The following ZFYVE26 variants were observed in gnomAD, a reference collection of about 807,000 sequenced individuals.
The protein encoded by ZFYVE26 is zinc finger FYVE domain-containing protein 26.
A neutral mutation model predicts 276.5 loss-of-function variants in ZFYVE26; 181 were observed. That is an observed-to-expected ratio of 0.65 (90% CI 0.58 to 0.74). The LOEUF (loss-of-function observed/expected upper bound fraction) is 0.74. Ranked by LOEUF, ZFYVE26 falls within the 30% of genes least tolerant of loss-of-function variation. The pLI is 0.00. For missense variants in ZFYVE26, 2,821 were observed against 3,097.9 expected, an observed-to-expected ratio of 0.91 and a Z score of 2.12; for synonymous variants, 1,129 against 1,203.1, an observed-to-expected ratio of 0.94 and a Z score of 1.27.
At position 67,772,138 on chromosome 14, in the gene ZFYVE26, A is replaced by G; in HGVS notation, c.5393T>C (p.Val1798Ala). ...FPPTQPSQEF[V>A]PPATPPARHQ... ...CCTGGCAGGGGGTGTCGCTGGGGGC[A>G]CAAATTCCTGTGAGGGCTGGGTTGG... Residue 1798 changes from valine to alanine, a missense_variant, in exon 28 of 42, where the codon GTG (valine) becomes GCG (alanine). By Grantham distance (64) the Val-to-Ala change is moderately conservative (BLOSUM62 0). Coordinates refer to ENST00000347230, the MANE Select transcript of ZFYVE26 (RefSeq NM_015346.4). 6.2e-7 allele frequency: 1 copy of G among 1,613,198 alleles called. No homozygotes were observed.
In ZFYVE26 at chr14:67,783,421, T is replaced by G. The variant is rs2039561887; in HGVS notation, c.3731A>C (p.Gln1244Pro). ...ACGAGTCAGGAGGGAGGAGGTCTGC[T>G]GGCTTTGCCGGGATGAGCAAAGAGC... ...PLALCSSRQS[Q>P]QTSSLLTRLG... The change falls in exon 21 of 42, where the codon CAG becomes CCG. Residue 1244 changes from glutamine to proline, a missense_variant. Transcript: ENST00000347230. 1 of 1,614,164 alleles carries G rather than the reference T, an allele frequency of 6.2e-7. No homozygotes were observed. Among genetic ancestry groups the G allele is most frequent in the East Asian group, 2.2e-5 (1 of 44,882 alleles).
At chr14:67,776,848 T>C (rs568432095) in intron 25 of ZFYVE26, among the ~76,000 whole-genome samples, 35 of 152,356 alleles carry the variant, frequency 2.3e-4, no homozygotes, top group African/African-American at 7.9e-4. Flanking sequence ...CCAGTGGTTA[T>C]ATTTATGGCT....
chr14:67,775,573 C>T (rs960568936), intron 26 of ZFYVE26, among the ~76,000 whole-genome samples: 10 of 152,264 alleles, frequency 6.6e-5, no homozygotes, highest in East Asian at 3.9e-4. Flanking sequence ...CTGAAGAGCC[C>T]GCTATATCAA....
At chr14:67,768,615 G>T in intron 29 of ZFYVE26, 67 bp from the exon 30 acceptor site, 1 of 1,504,462 alleles carries the variant, frequency 6.6e-7, no homozygotes, top group Non-Finnish European at 9.2e-7. Context: ...GAGCTTCGTA[G>T]ACAGCATCAA....
rs1479008982 is a variant in ZFYVE26 at position 67,789,411 on chromosome 14, C to T, written c.2943G>A (p.Gln981=). 6.2e-7 allele frequency: 1 copy of T among 1,614,212 alleles called. No homozygotes were observed. The highest frequency in any genetic ancestry group is 2.2e-5 in the East Asian group (1 of 44,882). Residue 981 remains glutamine, a synonymous_variant, in exon 16 of 42, where the codon CAG becomes CAA. Coordinates refer to ENST00000347230, the MANE Select transcript of ZFYVE26 (RefSeq NM_015346.4). ...GCTTGCAGGTTTTCCAGAGCTGGCA[C>T]TGAGAGCAAGCTAGGTCAAATGCAG... ...AMAAFDLACS[Q]CQLWKTCKQL...
At chr14:67,815,745 T>C (rs1319137317) in intron 2 of ZFYVE26, 25 bp downstream of exon 2, 3 of 1,611,350 alleles carry the variant, frequency 1.9e-6, no homozygotes, top group Non-Finnish European at 2.5e-6. Flanking sequence ...CCTGGGACCG[T>C]CTGGTAGGAA....
intron 12 of ZFYVE26, among the ~76,000 whole-genome samples, chr14:67,795,736 G>A (rs949096746): frequency 1.3e-5 from 2 of 152,030 alleles, no homozygotes; most frequent in African/African-American, 4.8e-5. Flanking sequence ...TCTAAGAAAA[G>A]CCTATAAGTG....
At chr14:67,782,646 G>T in intron 21 of ZFYVE26, 134 bp downstream of exon 21, 3 of 1,434,382 alleles carry the variant, frequency 2.1e-6, no homozygotes, top group South Asian at 1.2e-5. Flanking sequence ...TCTGAGACCT[G>T]GTCTCCTCTT....
chr14:67,794,242 A>T lies in ZFYVE26; in HGVS notation c.2333-3T>A. 1.2e-6 allele frequency: 2 copies of T among 1,614,044 alleles called. No homozygotes were observed. Among genetic ancestry groups the T allele is most frequent in the Non-Finnish European group, 1.7e-6 (2 of 1,179,878 alleles). ...GTTTGAACCTCTGTCTCGGCCATCT[A>T]CAGGTATTGGGAAGAAGAGAGAAAG... On this transcript the variant is annotated splice_region_variant and splice_polypyrimidine_tract_variant and intron_variant, in intron 12 of 41. Transcript: ENST00000347230.
At chr14:67,794,126 A>G (rs1319908453) in intron 13 of ZFYVE26, 45 bp downstream of exon 13, 13 of 1,590,672 alleles carry the variant, frequency 8.2e-6, no homozygotes, top group Non-Finnish European at 1.1e-5. Flanking sequence ...ACTCTATATC[A>G]GGGCAAAGCT....
intron 3 of ZFYVE26, 54 bp downstream of exon 3, chr14:67,813,932 T>C: frequency 7.8e-7 from 1 of 1,276,286 alleles, no homozygotes; most frequent in Non-Finnish European, 1.1e-6. Flanking sequence ...ACAACTACTT[T>C]CAAGTTCTTC....
intron 19 of ZFYVE26, 39 bp downstream of exon 19, chr14:67,785,020 G>C (rs1336699328): frequency 6.2e-7 from 1 of 1,604,296 alleles, no homozygotes; most frequent in Admixed American, 1.7e-5. Context: ...AACACTTGCA[G>C]GTCTGCCATG....
chr14:67,768,309 T>C (rs1221468304), intron 30 of ZFYVE26, among the ~76,000 whole-genome samples: 1 of 152,226 alleles, frequency 6.6e-6, no homozygotes, highest in Non-Finnish European at 1.5e-5. Context: ...GCCTTCTCAA[T>C]GCTGGAAGCT....
intron 8 of ZFYVE26, among the ~76,000 whole-genome samples, chr14:67,804,547 C>G (rs1167174673): frequency 1.3e-5 from 2 of 152,170 alleles, no homozygotes; most frequent in African/African-American, 2.4e-5. Context: ...TTTCTAATTT[C>G]TACACCCTCT....
At chr14:67,794,094 C>T in intron 13 of ZFYVE26, 77 bp downstream of exon 13, 1 of 1,492,874 alleles carries the variant, frequency 6.7e-7, no homozygotes, top group South Asian at 1.1e-5. Context: ...TCAATCCTGG[C>T]TTTACACCAT....
At chr14:67,752,656 A>C (rs1418315906) in intron 39 of ZFYVE26, 130 bp from the exon 40 acceptor site, 1 of 1,011,680 alleles carries the variant, frequency 9.9e-7, no homozygotes, top group Non-Finnish European at 1.5e-6. Context: ...AGTAGAAAAC[A>C]TAAATATACC....
At chr14:67,813,185 T>G (rs2040337249) in intron 3 of ZFYVE26, among the ~76,000 whole-genome samples, 1 of 152,176 alleles carries the variant, frequency 6.6e-6, no homozygotes, top group Admixed American at 6.5e-5. Flanking sequence ...AAGTAGAATT[T>G]GTGGTTTCTT....
chr14:67,809,408 CTTTTTTTTTT>C (rs10580613), intron 3 of ZFYVE26, 119 bp from the exon 4 acceptor site: 10 of 208,308 alleles, frequency 4.8e-5, no homozygotes, highest in East Asian at 1.1e-4. Context: ...ATGAAGCACT[CTTTTTTTTTT>C]TTTTTTTTTT....
intron 34 of ZFYVE26, 75 bp downstream of exon 34, chr14:67,762,127 CT>C: frequency 6.5e-7 from 1 of 1,546,102 alleles, no homozygotes; most frequent in Admixed American, 1.7e-5. Flanking sequence ...TGAATTTCCA[CT>C]GATTCTTTTC....
Sources: allele counts gnomAD v4.1 joint callset (sites outside exome capture counted in the v4.1 genomes callset), GRCh38; gene constraint gnomAD v4.1.1; transcripts MANE v1.5; gene names NCBI Gene and HGNC (gene_info 2026-07-23, HGNC 2026-07-21).